The following POMGNT2 variants were observed in gnomAD, a reference collection of about 807,000 sequenced individuals.
The protein encoded by POMGNT2 is protein O-linked mannose N-acetylglucosaminyltransferase 2 (beta 1,4-).
POMGNT2 carries 32 observed loss-of-function variants against 37.8 expected under a neutral mutation model. The ratio of observed to expected loss-of-function variants is 0.85; its 90% CI spans 0.64 to 1.14. The LOEUF is 1.14. POMGNT2 is among the 50% of genes most tolerant of loss of function. The pLI is 0.00. For synonymous variants in POMGNT2, 340 were observed against 336.8 expected, an observed-to-expected ratio of 1.01 and a Z score of -0.10; for missense variants, 705 against 780.6, an observed-to-expected ratio of 0.90 and a Z score of 1.15.
chr3:43,093,259 A>G (rs983118031), intron 1 of POMGNT2, among the ~76,000 whole-genome samples: 9 of 152,224 alleles, frequency 5.9e-5, no homozygotes, highest in African/African-American at 2.2e-4. Flanking sequence ...ACCAGGAAAT[A>G]TGGGTGGGGG....
Position 43,080,087 on chromosome 3 carries a change from CCTGGTAGATT to C in POMGNT2, c.1335_1344del (p.Ile446ThrfsTer17), listed in dbSNP as rs1200372999. 1 of 1,613,728 alleles carries C rather than the reference CCTGGTAGATT, an allele frequency of 6.2e-7. No homozygotes were observed. The highest frequency in any genetic ancestry group is 2.2e-5 in the East Asian group (1 of 44,892). On this transcript the variant is annotated frameshift_variant, in exon 2 of 2. Coordinates refer to ENST00000344697, the MANE Select transcript of POMGNT2 (RefSeq NM_032806.6). LOFTEE classifies it high-confidence loss of function. ...AGGGACGGGATGTCCACCTTGGTGT[CCTGGTAGATT>C]CGGAAGAGCCACTCGGGGTTCCGGC...
intron 1 of POMGNT2, among the ~76,000 whole-genome samples, chr3:43,105,035 C>T (rs996735968): frequency 6.6e-6 from 1 of 152,218 alleles, no homozygotes; most frequent in African/African-American, 2.4e-5. Flanking sequence ...TCAAGCTCGC[C>T]CCATAACCCT....
chr3:43,098,427 A>AT lies in POMGNT2; in HGVS notation c.-106+7408dup, dbSNP rs1190661725. Among the ~76,000 whole-genome samples, 1 of 152,182 alleles carries AT rather than the reference A, an allele frequency of 6.6e-6. No individual in the cohort carries two copies. The highest frequency in any genetic ancestry group is 1.5e-5 in the Non-Finnish European group (1 of 68,048). On this transcript the variant is annotated intron_variant, in intron 1 of 1. Coordinates refer to ENST00000344697, the MANE Select transcript of POMGNT2 (RefSeq NM_032806.6). The surrounding 1 kb of genome is among the most constrained non-coding windows in gnomAD (Gnocchi z 4.3). ...ACATAATGCTTACATTTGCTCCTAA[A>AT]TTAAATATTAACCTAATGCTATTGA...
At chr3:43,087,327 T>A (rs2089905167) in intron 1 of POMGNT2, among the ~76,000 whole-genome samples, 1 of 152,244 alleles carries the variant, frequency 6.6e-6, no homozygotes, top group Non-Finnish European at 1.5e-5. Context: ...AAGAAGGAAT[T>A]CCACTGCTAC....
At chr3:43,104,759 A>T (rs2090045002) in intron 1 of POMGNT2, among the ~76,000 whole-genome samples, 1 of 152,178 alleles carries the variant, frequency 6.6e-6, no homozygotes, top group Admixed American at 6.5e-5. Context: ...ACGACTGCTG[A>T]TATTTGCCAC....
chr3:43,080,246 T>C lies in POMGNT2; in HGVS notation c.1186A>G (p.Met396Val), dbSNP rs769720860. The part of the protein sequence containing the change: ...MDLQYVAWRN[M>V]MPENTVTHPE... ...TGTGTGACTGTGTTCTCTGGCATCA[T>C]GTTCCGCCAGGCTACATACTGGAGG... The change falls in exon 2 of 2, where the codon ATG becomes GTG. Residue 396 changes from methionine to valine, a missense_variant. By Grantham distance (21) the Met-to-Val change is conservative. Transcript: ENST00000344697. 20 of 1,614,062 alleles carry C rather than the reference T, an allele frequency of 1.2e-5. No homozygotes were observed. The highest frequency in any genetic ancestry group is 1.6e-5 in the Non-Finnish European group (19 of 1,180,032).
At chr3:43,093,098 C>T (rs551955514) in intron 1 of POMGNT2, among the ~76,000 whole-genome samples, 54 of 152,322 alleles carry the variant, frequency 3.5e-4, no homozygotes, top group Middle Eastern at 3.4e-3. Flanking sequence ...GCCACCTGCC[C>T]CTCTCTTAGG....
chr3:43,090,117 T>G (rs1216757625), intron 1 of POMGNT2, among the ~76,000 whole-genome samples: 1 of 152,066 alleles, frequency 6.6e-6, no homozygotes, highest in Non-Finnish European at 1.5e-5. Flanking sequence ...GTTTCCTCAG[T>G]CTTTTCCAAC....
At position 43,099,247 on chromosome 3, in the gene POMGNT2, C is replaced by A. The variant is rs532008370; in HGVS notation, c.-106+6589G>T. Among the ~76,000 whole-genome samples, 30 of 152,246 alleles carry A rather than the reference C, an allele frequency of 2.0e-4. No homozygotes were observed. The South Asian group carries it at 6.2e-3, about 32-fold the overall frequency. The stretch of plus-strand genomic sequence containing the variant: ...GAACTGATCAAGAGAGCCAAAAACA[C>A]CCAGTATAGGAAGCATAAAACATTC... On this transcript the variant is annotated intron_variant, in intron 1 of 1. Coordinates refer to ENST00000344697, the MANE Select transcript of POMGNT2 (RefSeq NM_032806.6).
At chr3:43,095,204 G>A (rs62247992) in intron 1 of POMGNT2, among the ~76,000 whole-genome samples, 16,489 of 152,210 alleles carry the variant, frequency 0.11, 1,202 homozygotes, top group South Asian at 0.16. Context: ...TGCCCAGATG[G>A]AGTCTTGCCA....
At chr3:43,082,869 T>C (rs1342543143) in intron 1 of POMGNT2, among the ~76,000 whole-genome samples, 3 of 152,160 alleles carry the variant, frequency 2.0e-5, no homozygotes, top group Non-Finnish European at 4.4e-5. Flanking sequence ...AATTATCCCA[T>C]GAAACACGTG....
intron 1 of POMGNT2, among the ~76,000 whole-genome samples, chr3:43,090,963 C>T (rs188327210): frequency 6.6e-6 from 1 of 152,286 alleles, no homozygotes; most frequent in Admixed American, 6.5e-5. Context: ...TTTTTGTATA[C>T]ACAAAATATC....
chr3:43,095,811 G>A (rs572623368), intron 1 of POMGNT2, among the ~76,000 whole-genome samples: 37 of 152,280 alleles, frequency 2.4e-4, no homozygotes, highest in African/African-American at 8.9e-4. Flanking sequence ...GCAGAGAAGA[G>A]AAAGAAACAC....
intron 1 of POMGNT2, among the ~76,000 whole-genome samples, chr3:43,082,094 G>A (rs1035267628): frequency 6.6e-6 from 1 of 152,200 alleles, no homozygotes; most frequent in South Asian, 2.1e-4. Flanking sequence ...CTGAAATTCT[G>A]GGGCTGTTTG....
At chr3:43,097,779 T>C (rs2089990453) in intron 1 of POMGNT2, among the ~76,000 whole-genome samples, 1 of 152,210 alleles carries the variant, frequency 6.6e-6, no homozygotes, top group Non-Finnish European at 1.5e-5. Context: ...AAATGTGAAA[T>C]GTCCTCATTT....
intron 1 of POMGNT2, among the ~76,000 whole-genome samples, chr3:43,094,487 C>CA (rs1235622039): frequency 6.6e-6 from 1 of 152,308 alleles, no homozygotes; most frequent in East Asian, 1.9e-4. Context: ...AGAACAGCAG[C>CA]AAGGAGGCAA....
At chr3:43,092,388 C>T (rs532575232) in intron 1 of POMGNT2, among the ~76,000 whole-genome samples, 2 of 152,220 alleles carry the variant, frequency 1.3e-5, no homozygotes, top group Admixed American at 6.5e-5. Context: ...ACCTCAAATT[C>T]CTGGGCTCAG....
intron 1 of POMGNT2, among the ~76,000 whole-genome samples, chr3:43,090,051 G>A (rs1300990590): frequency 1.3e-5 from 2 of 151,988 alleles, no homozygotes; most frequent in Non-Finnish European, 2.9e-5. Context: ...CATCTCTAGG[G>A]GAGTGTCCCT....
At chr3:43,083,783 A>G (rs573243217) in intron 1 of POMGNT2, among the ~76,000 whole-genome samples, 25 of 152,312 alleles carry the variant, frequency 1.6e-4, no homozygotes, top group African/African-American at 5.8e-4. Flanking sequence ...AGGATCATCT[A>G]TTATATTCAC....
Sources: gnomAD v4.1 joint callset for allele counts (sites outside exome capture counted in the v4.1 genomes callset) on GRCh38, gnomAD v4.1.1 for gene constraint, Gnocchi (gnomAD v3.1) non-coding constraint, MANE v1.5 for transcripts, NCBI Gene and HGNC (gene_info 2026-07-23, HGNC 2026-07-21) for gene names.